MYOZ2: variants seen among roughly 807,000 people sequenced by gnomAD.
MYOZ2 encodes myozenin 2.
MYOZ2 carries 19 observed loss-of-function variants against 25.4 expected under a neutral mutation model. That is an observed-to-expected ratio of 0.75 (90% CI 0.52 to 1.10). The LOEUF is 1.10. MYOZ2 is among the 50% of genes least tolerant of loss of function. The pLI is 0.00. For synonymous variants in MYOZ2, 92 were observed against 106.9 expected (o/e 0.86, Z 0.86); for missense variants, 270 against 317.9 (o/e 0.85, Z 1.15).
rs1342755418 is a variant in MYOZ2 at position 119,171,620 on chromosome 4, A to G, written c.560+7226A>G. Among the ~76,000 whole-genome samples the G allele has an allele frequency of 2.6e-5, 4 of 151,290 alleles. No homozygotes were observed. The East Asian group carries it at 7.7e-4, about 29-fold the overall frequency. On this transcript the variant is annotated intron_variant, in intron 5 of 5. Coordinates refer to ENST00000307128, the MANE Select transcript of MYOZ2 (RefSeq NM_016599.5). ...ATTTTCCCTATTGTAGGTTAACATG[A>G]TTTTATTTTATCAAACTACTCAAAA...
At chr4:119,168,569 A>G (rs961351150) in intron 5 of MYOZ2, among the ~76,000 whole-genome samples, 2 of 152,196 alleles carry the variant, frequency 1.3e-5, no homozygotes, top group Non-Finnish European at 2.9e-5. Context: ...AAGGGGTTCA[A>G]GACTTCATTG....
chr4:119,160,672 T>C (rs1231189330), intron 4 of MYOZ2, among the ~76,000 whole-genome samples: 1 of 152,064 alleles, frequency 6.6e-6, no homozygotes, highest in African/African-American at 2.4e-5. Flanking sequence ...TATTAAATGG[T>C]ATATTCAACA....
intron 5 of MYOZ2, among the ~76,000 whole-genome samples, chr4:119,177,470 A>G (rs1322255723): frequency 6.6e-6 from 1 of 152,164 alleles, no homozygotes; most frequent in Non-Finnish European, 1.5e-5. Context: ...TTCTAGGACA[A>G]TTTGAATTGT....
At chr4:119,185,835 A>G (rs552117609) in intron 5 of MYOZ2, 131 bp from the exon 6 acceptor site, 1 of 756,662 alleles carries the variant, frequency 1.3e-6, no homozygotes, top group African/African-American at 1.8e-5. Context: ...CATTCATAGA[A>G]TATAAGTAAG....
At chr4:119,166,496 A>C (rs1235526936) in intron 5 of MYOZ2, among the ~76,000 whole-genome samples, 1 of 145,492 alleles carries the variant, frequency 6.9e-6, no homozygotes, top group African/African-American at 2.4e-5. Context: ...GCAATGGGAG[A>C]GAGACCCTGT....
chr4:119,151,927 C>A lies in MYOZ2; in HGVS notation c.246+886C>A, dbSNP rs79454463. On this transcript the variant is annotated intron_variant, in intron 3 of 5. Coordinates refer to ENST00000307128, the MANE Select transcript of MYOZ2 (RefSeq NM_016599.5). ...GTTGTTTTGAATGGACAGCTCCCTT[C>A]TTTACAGCAAACAGACTAATTTCCC... Among the ~76,000 whole-genome samples the A allele has an allele frequency of 1.2e-3, 186 of 152,196 alleles. 4 individuals carry two copies. In the East Asian group the frequency reaches 0.033, roughly 27 times the overall value.
chr4:119,185,788 G>A (rs1300735884), intron 5 of MYOZ2, among the ~76,000 whole-genome samples, 178 bp from the exon 6 acceptor site: 2 of 152,140 alleles, frequency 1.3e-5, no homozygotes, highest in Admixed American at 1.3e-4. Flanking sequence ...GGTCTTTAAA[G>A]TAGAAATGCT....
In MYOZ2 at chr4:119,186,419, A is replaced by G; in HGVS notation, c.*219A>G. The G allele has an allele frequency of 1.9e-6, 1 of 529,648 alleles. No homozygotes were observed. The highest frequency in any genetic ancestry group is 3.3e-5 in the East Asian group (1 of 30,506). The allele number at this position is 529,648 out of a possible 1,614,324, so 32.8% of individuals were successfully genotyped here. ...TATAACTCACTTGTCTTCATTCATA[A>G]TTTTGTTTTCACCTGGTTTAAAGAA... is the stretch of plus-strand genomic sequence containing the variant. On this transcript the variant is annotated 3_prime_UTR_variant, in exon 6 of 6. Coordinates refer to ENST00000307128, the MANE Select transcript of MYOZ2 (RefSeq NM_016599.5).
At chr4:119,164,101 T>C (rs1200849240) in intron 4 of MYOZ2, 110 bp from the exon 5 acceptor site, 3 of 1,037,026 alleles carry the variant, frequency 2.9e-6, no homozygotes, top group African/African-American at 1.6e-5. Context: ...AAAGGATGCA[T>C]GCTTCATAAA....
At chr4:119,171,545 A>T (rs918232733) in intron 5 of MYOZ2, among the ~76,000 whole-genome samples, 3 of 151,850 alleles carry the variant, frequency 2.0e-5, no homozygotes, top group Admixed American at 2.0e-4. Flanking sequence ...TAGAGGCTAA[A>T]ATAATTTTCA....
intron 2 of MYOZ2, among the ~76,000 whole-genome samples, chr4:119,148,741 T>TTTTTTTC: frequency 7.3e-6 from 1 of 136,852 alleles, no homozygotes; most frequent in African/African-American, 2.6e-5. Flanking sequence ...TTTTTTTTTT[T>TTTTTTTC]TTTTGCTGCT....
intron 5 of MYOZ2, among the ~76,000 whole-genome samples, chr4:119,177,173 G>A (rs1208986928): frequency 6.6e-6 from 1 of 152,176 alleles, no homozygotes; most frequent in East Asian, 1.9e-4. Context: ...TACCTAGACA[G>A]ATTTTGTAGT....
intron 3 of MYOZ2, among the ~76,000 whole-genome samples, chr4:119,157,317 AT>A (rs1184153304): frequency 4.6e-5 from 7 of 152,130 alleles, no homozygotes; most frequent in Non-Finnish European, 8.8e-5. Context: ...TACGATGTCT[AT>A]TTTTTTCTTA....
chr4:119,147,343 C>G (rs1257981883), intron 2 of MYOZ2, among the ~76,000 whole-genome samples: 1 of 151,012 alleles, frequency 6.6e-6, no homozygotes, highest in East Asian at 1.9e-4. Flanking sequence ...TCAAATGTAT[C>G]TGTTCATATA....
At chr4:119,173,180 C>T (rs1741981900) in intron 5 of MYOZ2, among the ~76,000 whole-genome samples, 1 of 152,150 alleles carries the variant, frequency 6.6e-6, no homozygotes, top group South Asian at 2.1e-4. Flanking sequence ...ATCACTGACC[C>T]ATCAAAATAA....
At position 119,168,683 on chromosome 4, in the gene MYOZ2, A is replaced by AAACAAC. The variant is rs150292392; in HGVS notation, c.560+4313_560+4318dup. Among the ~76,000 whole-genome samples, 905 of 150,934 alleles carry AAACAAC rather than the reference A, an allele frequency of 6.0e-3. 7 individuals carry two copies. Among genetic ancestry groups the AAACAAC allele is most frequent in the East Asian group, 0.023 (121 of 5,170 alleles). ...CTGCAATCTAAAAAAAACAACAACA[A>AAACAAC]AACAACAACAACAACAACAACAACA... On this transcript the variant is annotated intron_variant, in intron 5 of 5. Transcript: ENST00000307128.
At chr4:119,184,285 CCT>C (rs1367502466) in intron 5 of MYOZ2, among the ~76,000 whole-genome samples, 4 of 152,204 alleles carry the variant, frequency 2.6e-5, no homozygotes, top group African/African-American at 4.8e-5. Context: ...CTCTCTGTCC[CCT>C]GTTCCCTCTG....
chr4:119,152,584 T>TTTA (rs1741479021), intron 3 of MYOZ2, among the ~76,000 whole-genome samples: 1 of 152,100 alleles, frequency 6.6e-6, no homozygotes, highest in Admixed American at 6.6e-5. Flanking sequence ...AATTATTGAT[T>TTTA]ATAATTTTAT....
chr4:119,141,612 C>A (rs1578723509), intron 2 of MYOZ2, among the ~76,000 whole-genome samples: 1 of 152,112 alleles, frequency 6.6e-6, no homozygotes, highest in East Asian at 1.9e-4. Flanking sequence ...AAACTCCTGA[C>A]CTCAGGTGAT....
Sources: gnomAD v4.1 joint callset for allele counts (sites outside exome capture counted in the v4.1 genomes callset) on GRCh38, gnomAD v4.1.1 for gene constraint, MANE v1.5 for transcripts, NCBI Gene and HGNC (gene_info 2026-07-23, HGNC 2026-07-21) for gene names.